Variants in PCDH15 observed in about 807,000 individuals in gnomAD.
PCDH15 encodes protocadherin-15.
PCDH15 carries 129 observed loss-of-function variants against 178.5 expected under a neutral mutation model. The observed-to-expected ratio is 0.72, with a 90% CI of 0.63 to 0.84. The LOEUF (loss-of-function observed/expected upper bound fraction) is 0.84, where lower values mean the gene tolerates loss of function less well. Ranked by LOEUF, PCDH15 falls within the 40% of genes least tolerant of loss-of-function variation. PCDH15 has a pLI of 0.00. For synonymous variants in PCDH15, 800 were observed against 732.0 expected, an observed-to-expected ratio of 1.09 and a Z score of -1.50; for missense variants, 2,230 against 2,099.9, an observed-to-expected ratio of 1.06 and a Z score of -1.21.
intron 17 of PCDH15, among the ~76,000 whole-genome samples, chr10:54,071,340 T>A (rs2094238244): frequency 6.6e-6 from 1 of 152,142 alleles, no homozygotes; most frequent in African/African-American, 2.4e-5. Context: ...TTTTAATACA[T>A]TTTCTTGTTA....
intron 2 of PCDH15, among the ~76,000 whole-genome samples, chr10:55,098,895 TGAGAGAGAGAGAGAGAGAGA>T (rs10535301): frequency 1.7e-5 from 2 of 120,260 alleles, no homozygotes; most frequent in South Asian, 3.0e-4. Flanking sequence ...AAAACTTCAA[TGAGAGAGAGAGAGAGAGAGA>T]GAGAGAGAGA....
chr10:54,243,196 C>A (rs2055581327), intron 8 of PCDH15, among the ~76,000 whole-genome samples: 1 of 152,142 alleles, frequency 6.6e-6, no homozygotes, highest in Admixed American at 6.5e-5. Context: ...AATTTGTACA[C>A]TTCCTTTAAC....
chr10:55,296,073 G>C (rs947876969), intron 1 of PCDH15, among the ~76,000 whole-genome samples: 45 of 152,086 alleles, frequency 3.0e-4, no homozygotes, highest in Admixed American at 2.2e-3. Flanking sequence ...GTTTATTATA[G>C]AGGATACAAC....
chr10:55,527,827 A>C (rs1450541319), intron 2 of PCDH15, among the ~76,000 whole-genome samples: 1 of 152,012 alleles, frequency 6.6e-6, no homozygotes, highest in African/African-American at 2.4e-5. Flanking sequence ...AAATAAATAA[A>C]ATATTTGATA....
intron 2 of PCDH15, among the ~76,000 whole-genome samples, chr10:55,532,710 T>C (rs1427432863): frequency 3.3e-5 from 5 of 152,044 alleles, no homozygotes; most frequent in Non-Finnish European, 7.4e-5. Context: ...TAGTCTTTGA[T>C]AGATTGGTGT....
chr10:54,751,058 C>T (rs1946163287), intron 1 of PCDH15, among the ~76,000 whole-genome samples: 1 of 151,822 alleles, frequency 6.6e-6, no homozygotes, highest in Non-Finnish European at 1.5e-5. Context: ...TAACATTTAG[C>T]GAGCATATGG....
intron 28 of PCDH15, among the ~76,000 whole-genome samples, chr10:53,845,424 G>A (rs766639998): frequency 6.6e-6 from 1 of 151,774 alleles, no homozygotes; most frequent in Non-Finnish European, 1.5e-5. Flanking sequence ...TTATCTGCAT[G>A]CCTATGTTTA....
At chr10:55,152,712 GAAGAGTTAGATATCTTAATTT>G (rs1446597669) in intron 2 of PCDH15, among the ~76,000 whole-genome samples, 1 of 152,074 alleles carries the variant, frequency 6.6e-6, no homozygotes, top group East Asian at 1.9e-4. Flanking sequence ...AAGAAAATAG[GAAGAGTTAGATATCTTAATTT>G]GATATTTAAA....
intron 3 of PCDH15, among the ~76,000 whole-genome samples, chr10:54,399,670 G>C (rs1350279577): frequency 1.3e-5 from 2 of 152,092 alleles, no homozygotes; most frequent in Non-Finnish European, 2.9e-5. Context: ...CCATGCAAGA[G>C]AGTAGACAAG....
intron 2 of PCDH15, among the ~76,000 whole-genome samples, chr10:55,437,808 C>T (rs1485939295): frequency 6.9e-6 from 1 of 145,118 alleles, no homozygotes; most frequent in South Asian, 2.2e-4. Context: ...ATAAATGGAC[C>T]AAATTGTCTT....
In PCDH15 at chr10:55,331,064, T is replaced by C. The variant is rs187141206; in HGVS notation, c.-155-164413A>G. Among the ~76,000 whole-genome samples, 4 of 152,010 alleles carry C rather than the reference T, an allele frequency of 2.6e-5. No individual in the cohort carries two copies. The East Asian group carries it at 7.7e-4, about 29-fold the overall frequency. On this transcript the variant is annotated intron_variant, in intron 2 of 5. Coordinates refer to the PCDH15 transcript ENST00000613346. ...AGATACTTACGATTTCTTAAGAAAT[T>C]CTCTTCTCAAGAGGGAAATGATGCT...
intron 1 of PCDH15, among the ~76,000 whole-genome samples, chr10:54,708,010 T>C (rs4935118): frequency 0.12 from 18,506 of 152,044 alleles, 1,266 homozygotes; most frequent in African/African-American, 0.17. Context: ...TAAGTCAGAG[T>C]TTATCATGTT....
intron 31 of PCDH15, among the ~76,000 whole-genome samples, chr10:53,828,026 T>C (rs1214347621): frequency 1.3e-5 from 2 of 151,848 alleles, no homozygotes; most frequent in Non-Finnish European, 2.9e-5. Context: ...TTTGGTTAGC[T>C]TGTATATCCT....
At chr10:55,146,036 C>T (rs1206778489) in intron 2 of PCDH15, among the ~76,000 whole-genome samples, 1 of 26,308 alleles carries the variant, frequency 3.8e-5, no homozygotes, top group Non-Finnish European at 2.7e-4. Flanking sequence ...TTTTCGAACT[C>T]AGCTTTTTTT....
chr10:55,130,906 T>C (rs1412408993), intron 2 of PCDH15, among the ~76,000 whole-genome samples: 2 of 152,112 alleles, frequency 1.3e-5, no homozygotes, highest in African/African-American at 4.8e-5. Context: ...GTTATCTTAC[T>C]TCTAAGTAAA....
At chr10:53,866,271 C>A (rs1439389872) in intron 27 of PCDH15, among the ~76,000 whole-genome samples, 1 of 151,922 alleles carries the variant, frequency 6.6e-6, no homozygotes, top group Non-Finnish European at 1.5e-5. Context: ...TAGTATAACT[C>A]TGTGAAGCAT....
At chr10:54,190,609 T>C (rs2048901357) in intron 11 of PCDH15, among the ~76,000 whole-genome samples, 1 of 152,178 alleles carries the variant, frequency 6.6e-6, no homozygotes, top group Admixed American at 6.6e-5. Context: ...TCTCCATATG[T>C]AGCCAAGGCT....
intron 15 of PCDH15, among the ~76,000 whole-genome samples, chr10:54,108,950 G>T (rs748264010): frequency 1.3e-5 from 2 of 151,964 alleles, no homozygotes; most frequent in African/African-American, 4.8e-5. Flanking sequence ...ATCAACTGAC[G>T]CAACAAACAA....
chr10:54,697,971 G>C (rs2095258448), intron 1 of PCDH15, among the ~76,000 whole-genome samples: 2 of 91,624 alleles, frequency 2.2e-5, no homozygotes, highest in Admixed American at 2.1e-4. Context: ...TTGGTAGAGA[G>C]ACTCCTAAAT....
Sources: gnomAD v4.1 joint callset for allele counts (sites outside exome capture counted in the v4.1 genomes callset) on GRCh38, gnomAD v4.1.1 for gene constraint, MANE v1.5 for transcripts, NCBI Gene and HGNC (gene_info 2026-07-23, HGNC 2026-07-21) for gene names.